Variants in PLA2G4A observed in about 807,000 individuals in gnomAD.
The protein encoded by PLA2G4A is cytosolic phospholipase A2.
Under a neutral mutation model 81.9 loss-of-function variants are expected in PLA2G4A, and 40 were observed. That is an observed-to-expected ratio of 0.49 (90% CI 0.38 to 0.64). The LOEUF is 0.64. PLA2G4A is among the 30% of genes least tolerant of loss of function. The pLI, the probability that PLA2G4A is intolerant of heterozygous loss-of-function variation, is 0.00. For synonymous variants in PLA2G4A, 302 were observed against 296.9 expected, an observed-to-expected ratio of 1.02 and a Z score of -0.18; for missense variants, 715 against 905.1, an observed-to-expected ratio of 0.79 and a Z score of 2.69.
At chr1:186,976,383 C>T (rs777661954) in intron 15 of PLA2G4A, among the ~76,000 whole-genome samples, 6 of 152,116 alleles carry the variant, frequency 3.9e-5, no homozygotes, top group Non-Finnish European at 7.4e-5. Context: ...GTTTTCCTTA[C>T]TTTTTTCCTT....
At chr1:186,867,746 A>G (rs1028530943) in intron 2 of PLA2G4A, among the ~76,000 whole-genome samples, 1 of 152,116 alleles carries the variant, frequency 6.6e-6, no homozygotes, top group Non-Finnish European at 1.5e-5. Context: ...GAAAAGGGTG[A>G]TGACAGGGAA....
At chr1:186,847,951 T>C (rs1044771943) in intron 1 of PLA2G4A, among the ~76,000 whole-genome samples, 1 of 152,024 alleles carries the variant, frequency 6.6e-6, no homozygotes. Context: ...ATTCTCAGGG[T>C]TTGTTGGAAG....
At chr1:186,982,945 G>A (rs973838967) in intron 17 of PLA2G4A, among the ~76,000 whole-genome samples, 1 of 152,042 alleles carries the variant, frequency 6.6e-6, no homozygotes, top group Non-Finnish European at 1.5e-5. Context: ...TTAGCTGGGC[G>A]TGGTGGCAGG....
chr1:186,924,130 C>T (rs1184512181), intron 7 of PLA2G4A, among the ~76,000 whole-genome samples: 1 of 152,196 alleles, frequency 6.6e-6, no homozygotes, highest in East Asian at 1.9e-4. Context: ...AGATCACTCT[C>T]AACCTGTATT....
chr1:186,924,981 G>A (rs1282854405), intron 7 of PLA2G4A, among the ~76,000 whole-genome samples: 1 of 152,008 alleles, frequency 6.6e-6, no homozygotes, highest in Non-Finnish European at 1.5e-5. Context: ...CCAGGAAGTA[G>A]AGGCTGCGGT....
At chr1:186,865,220 G>A (rs578166614) in intron 2 of PLA2G4A, among the ~76,000 whole-genome samples, 2 of 151,634 alleles carry the variant, frequency 1.3e-5, no homozygotes, top group African/African-American at 2.4e-5. Flanking sequence ...TTTTAGTGAT[G>A]TCTTCTAGAG....
chr1:186,840,166 C>T (rs1369159374), intron 1 of PLA2G4A, among the ~76,000 whole-genome samples: 1 of 151,562 alleles, frequency 6.6e-6, no homozygotes, highest in Non-Finnish European at 1.5e-5. Context: ...TCTTTATAAA[C>T]TGATATTTTA....
chr1:186,935,919 C>T (rs980473106), intron 8 of PLA2G4A, among the ~76,000 whole-genome samples: 2 of 151,810 alleles, frequency 1.3e-5, no homozygotes, highest in Non-Finnish European at 2.9e-5. Context: ...CCTGCTACTA[C>T]CTTTATGGTA....
chr1:186,914,922 A>G (rs1350565585), intron 7 of PLA2G4A, among the ~76,000 whole-genome samples: 1 of 152,180 alleles, frequency 6.6e-6, no homozygotes, highest in African/African-American at 2.4e-5. Flanking sequence ...ACGGATCAAT[A>G]GTGATTCATA....
At chr1:186,851,859 A>T (rs1652384582) in intron 1 of PLA2G4A, among the ~76,000 whole-genome samples, 1 of 152,008 alleles carries the variant, frequency 6.6e-6, no homozygotes, top group Non-Finnish European at 1.5e-5. Flanking sequence ...TGTTTGTAAG[A>T]TGTGTGTAAT....
intron 14 of PLA2G4A, among the ~76,000 whole-genome samples, chr1:186,961,554 A>G (rs1280229248): frequency 6.6e-6 from 1 of 152,202 alleles, no homozygotes; most frequent in Admixed American, 6.5e-5. Context: ...TGAAGGTGGA[A>G]ACAATGGTGT....
chr1:186,884,099 G>T (rs777078256), intron 3 of PLA2G4A, among the ~76,000 whole-genome samples: 1 of 151,990 alleles, frequency 6.6e-6, no homozygotes, highest in African/African-American at 2.4e-5. Flanking sequence ...AGAAATATCC[G>T]AGAGAAGCGG....
At position 186,950,835 on chromosome 1, in the gene PLA2G4A, C is replaced by T. The variant is rs12720642; in HGVS notation, c.1336+107C>T. The T allele has an allele frequency of 4.9e-3, 3,538 of 722,660 alleles. 88 individuals are homozygous for T. The African/African-American group carries it at 0.052, about 11-fold the overall frequency. The allele number at this position is 722,660 out of a possible 1,614,324, so 44.8% of individuals were successfully genotyped here. On this transcript the variant is annotated intron_variant, in intron 13 of 17. Coordinates refer to ENST00000367466, the MANE Select transcript of PLA2G4A (RefSeq NM_024420.3). Reference sequence around the variant, plus strand: ...CTGATGGTAATCTTCACTTCAGACACGGAAGTGATAAAATTGTAGCTTTCT... The same window carrying T: ...CTGATGGTAATCTTCACTTCAGACATGGAAGTGATAAAATTGTAGCTTTCT...
At chr1:186,853,651 A>G (rs1437452130) in intron 1 of PLA2G4A, among the ~76,000 whole-genome samples, 1 of 151,938 alleles carries the variant, frequency 6.6e-6, no homozygotes, top group Non-Finnish European at 1.5e-5. Flanking sequence ...AAAGATGTTC[A>G]TTCATTAAAT....
At chr1:186,860,440 G>C (rs183132831) in intron 2 of PLA2G4A, among the ~76,000 whole-genome samples, 8 of 152,078 alleles carry the variant, frequency 5.3e-5, no homozygotes, top group African/African-American at 1.4e-4. Flanking sequence ...AGTGAGGTGA[G>C]AATAAATGGG....
At chr1:186,872,644 T>C (rs1017210099) in intron 3 of PLA2G4A, among the ~76,000 whole-genome samples, 1 of 151,594 alleles carries the variant, frequency 6.6e-6, no homozygotes. Context: ...GTGGATCTGA[T>C]TTTCTAGCAA....
At chr1:186,858,918 CGTGTGT>C (rs142558787) in intron 2 of PLA2G4A, among the ~76,000 whole-genome samples, 1 of 147,776 alleles carries the variant, frequency 6.8e-6, no homozygotes, top group Admixed American at 6.8e-5. Flanking sequence ...TGGGTGTGTG[CGTGTGT>C]GTGTGTGTGT....
intron 3 of PLA2G4A, among the ~76,000 whole-genome samples, chr1:186,871,079 T>C (rs902766754): frequency 6.6e-6 from 1 of 152,210 alleles, no homozygotes; most frequent in African/African-American, 2.4e-5. Flanking sequence ...TGAGGTATTA[T>C]GCACTTAGAA....
chr1:186,977,959 T>C (rs1657590774), intron 16 of PLA2G4A, among the ~76,000 whole-genome samples, 171 bp downstream of exon 16: 2 of 152,200 alleles, frequency 1.3e-5, no homozygotes, highest in South Asian at 4.1e-4. Flanking sequence ...TCCTCTTTCT[T>C]ACCCCAAGAT....
Sources: allele counts gnomAD v4.1 joint callset (sites outside exome capture counted in the v4.1 genomes callset), GRCh38; gene constraint gnomAD v4.1.1; transcripts MANE v1.5; gene names NCBI Gene and HGNC (gene_info 2026-07-23, HGNC 2026-07-21).